Variants in CCDC187 observed in about 807,000 individuals in gnomAD.
The protein encoded by CCDC187 is coiled-coil domain-containing protein 187.
Under a neutral mutation model 38.0 loss-of-function variants are expected in CCDC187, and 32 were observed. That is an observed-to-expected ratio of 0.84 (90% CI 0.64 to 1.13). CCDC187 has a LOEUF of 1.13. Ranked by LOEUF, CCDC187 falls within the 50% of genes most tolerant of loss-of-function variation. The pLI is 0.00. For synonymous variants in CCDC187, 333 were observed against 347.9 expected (o/e 0.96, Z 0.48); for missense variants, 707 against 786.8 (o/e 0.90, Z 1.21).
Position 136,302,995 on chromosome 9 carries a change from T to A in CCDC187, c.442A>T (p.Ser148Cys), listed in dbSNP as rs1831724096. 2.5e-6 allele frequency: 1 copy of A among 398,662 alleles called. No individual in the cohort carries two copies. Among genetic ancestry groups the A allele is most frequent in the South Asian group, 1.3e-4 (1 of 7,864 alleles). 24.7% of individuals were successfully genotyped at this position (398,662 alleles called of 1,614,324 possible). A position where few individuals can be genotyped will look rare whatever the true frequency, so the allele number is the denominator to read the frequency against. Residue 148 changes from serine (S) to cysteine (C), a missense_variant, in exon 2 of 26, where the codon AGT becomes TGT. By Grantham distance (112) the Ser-to-Cys change is moderately radical (BLOSUM62 -1). Transcript: ENST00000638797. ...CTCAGCTGCTCCAGCCGCGCGTCAC[T>A]CTTTCTGGGCCTCTGCTGGGGCCCC... ...VLGPQQRPRKSDARLEQLRDK... is the reference protein window; with the variant it reads ...VLGPQQRPRKCDARLEQLRDK...
Position 136,260,585 on chromosome 9 carries a change from C to A in CCDC187, c.4065-321G>T, listed in dbSNP as rs534859087. 9.9e-5 allele frequency among the ~76,000 whole-genome samples: 15 copies of A among 151,770 alleles called. 1 individual carries two copies. The East Asian group carries it at 2.9e-3, about 30-fold the overall frequency. ...CAGGCCTGCACTGACCTCCAGGCAC[C>A]CCCCCATCTGACTCTGCCTGGGTCA... On this transcript the variant is annotated intron_variant, in intron 19 of 25. Coordinates refer to ENST00000638797, the MANE Select transcript of CCDC187 (RefSeq NM_001378188.1).
Position 136,303,170 on chromosome 9 carries a change from T to G in CCDC187, c.267A>C (p.Gly89=), listed in dbSNP as rs937125618. Residue 89 remains glycine, a synonymous_variant, in exon 2 of 26, where the codon GGA becomes GGC. Coordinates refer to ENST00000638797, the MANE Select transcript of CCDC187 (RefSeq NM_001378188.1). ...GCAGGCTGCACGCCTTCCCCCAGGG[T>G]CCTGGTTCCTTGAGGTCGTCAGACC... The part of the protein sequence containing the change: ...VVGSDDLKEP[G]PWGKACSLPM... 349,914 of 398,600 alleles carry G rather than the reference T, an allele frequency of 0.88. 153,909 individuals are homozygous for G. The highest frequency in any genetic ancestry group is 0.94 in the East Asian group (26,361 of 28,070). 24.7% of individuals were successfully genotyped at this position (398,600 alleles called of 1,614,324 possible).
upstream of CCDC187, among the ~76,000 whole-genome samples, chr9:136,304,601 G>A (rs999101908): frequency 2.0e-5 from 3 of 152,190 alleles, no homozygotes; most frequent in Non-Finnish European, 4.4e-5. Flanking sequence ...TCCGTGACAC[G>A]GCAGTGTGGT....
At chr9:136,300,495 C>A (rs1489285479) in intron 2 of CCDC187, among the ~76,000 whole-genome samples, 177 bp from the exon 3 acceptor site, 1 of 152,238 alleles carries the variant, frequency 6.6e-6, no homozygotes, top group East Asian at 1.9e-4. Flanking sequence ...CTCACTACAA[C>A]CTCCGCCTCT....
At position 136,281,332 on chromosome 9, in the gene CCDC187, G is replaced by A. The variant is rs905734806; in HGVS notation, c.3040+219C>T. Reference sequence around the variant, plus strand: ...AATAAGCACGTGGGTCTCATCCACCGAGGGCCCATCACTGCAGGTGTGGTG... The same window carrying A: ...AATAAGCACGTGGGTCTCATCCACCAAGGGCCCATCACTGCAGGTGTGGTG... On this transcript the variant is annotated intron_variant, in intron 10 of 25. Transcript: ENST00000638797. 1.0e-5 allele frequency: 4 copies of A among 398,130 alleles called. No homozygotes were observed. The East Asian group carries it at 1.1e-4, about 11-fold the overall frequency. The allele number at this position is 398,130 out of a possible 1,614,324, so 24.7% of individuals were successfully genotyped here.
chr9:136,267,493 G>A lies in CCDC187; in HGVS notation c.3538C>T (p.Arg1180Trp). 4.1e-6 allele frequency: 4 copies of A among 985,686 alleles called. No homozygotes were observed. Among genetic ancestry groups the A allele is most frequent in the Non-Finnish European group, 4.8e-6 (4 of 830,114 alleles). The allele number at this position is 985,686 out of a possible 1,614,324, so 61.1% of individuals were successfully genotyped here. The change falls in exon 16 of 26, where the codon CGG becomes TGG. Residue 1180 changes from arginine (R) to tryptophan (W), a missense_variant. Transcript: ENST00000638797. ...TGCTGTGCTCGCAGCTCCTCCTCCCGCAGGCTCCGCTCCAGCATCTGCAGC... is the reference window on the plus strand; with the variant it reads ...TGCTGTGCTCGCAGCTCCTCCTCCCACAGGCTCCGCTCCAGCATCTGCAGC... ...PTHQMLERSL[R>W]EEELRAQHQA...
rs1299328758 is a variant in CCDC187 at position 136,290,607 on chromosome 9, C to T, written c.2006G>A (p.Ser669Asn). 3 of 398,450 alleles carry T rather than the reference C, an allele frequency of 7.5e-6. No homozygotes were observed. The highest frequency in any genetic ancestry group is 6.2e-5 in the African/African-American group (3 of 48,618). The allele number at this position is 398,450 out of a possible 1,614,324, so 24.7% of individuals were successfully genotyped here. Residue 669 changes from serine (S) to asparagine (N), a missense_variant, in exon 6 of 26, where the codon AGC (serine) becomes AAC (asparagine). Transcript: ENST00000638797. ...ASALRTRELR[S>N]RRLQEVYRQQ... The stretch of plus-strand genomic sequence containing the variant: ...CCGGTAGACCTCCTGCAGCCTCCGG[C>T]TCCTCAGCTCCCGTGTGCGCAGGGC...
chr9:136,300,143 G>A (rs999015519), intron 3 of CCDC187, 77 bp downstream of exon 3: 2 of 397,176 alleles, frequency 5.0e-6, no homozygotes, highest in Middle Eastern at 6.2e-4. Context: ...TGTGAGGGTG[G>A]CCCAGCATGT....
chr9:136,285,166 C>T (rs1354856457), intron 9 of CCDC187, among the ~76,000 whole-genome samples: 1 of 152,060 alleles, frequency 6.6e-6, no homozygotes, highest in African/African-American at 2.4e-5. Context: ...TCGCCGGGCC[C>T]GGATGGCAAG....
At chr9:136,289,567 A>T (rs1216642890) in intron 7 of CCDC187, among the ~76,000 whole-genome samples, 1 of 151,410 alleles carries the variant, frequency 6.6e-6, no homozygotes, top group Non-Finnish European at 1.5e-5. Context: ...GTCGAGGCAG[A>T]AAGGAGACCC....
chr9:136,281,847 C>G (rs1831051521), intron 9 of CCDC187, among the ~76,000 whole-genome samples, 184 bp from the exon 10 acceptor site: 1 of 152,148 alleles, frequency 6.6e-6, no homozygotes, highest in Non-Finnish European at 1.5e-5. Flanking sequence ...GGGGGAAGGG[C>G]CTGAGGCCTG....
chr9:136,285,852 A>G, intron 8 of CCDC187: 2 of 397,196 alleles, frequency 5.0e-6, no homozygotes, highest in Non-Finnish European at 8.9e-6. Context: ...TGCGGGTGCC[A>G]TGTGCCACAC....
intron 10 of CCDC187, 91 bp downstream of exon 10, chr9:136,281,460 G>A (rs1238722926): frequency 7.5e-6 from 3 of 398,484 alleles, no homozygotes; most frequent in Non-Finnish European, 1.3e-5. Context: ...GTAGGGCCAA[G>A]CTCGAGTGCT....
Position 136,257,672 on chromosome 9 carries a change from TG to T in CCDC187, c.4367-832del, listed in dbSNP as rs1245739091. On this transcript the variant is annotated intron_variant, in intron 22 of 25. Coordinates refer to ENST00000638797, the MANE Select transcript of CCDC187 (RefSeq NM_001378188.1). The surrounding 1 kb of genome is among the most constrained non-coding windows in gnomAD (Gnocchi z 4.5). ...TCCATCTCCCTAGACTTTCGTTCTGTGGGGTCAGGGGACTCTGAGAGCCAAG... is the reference window on the plus strand; with the variant it reads ...TCCATCTCCCTAGACTTTCGTTCTGTGGGTCAGGGGACTCTGAGAGCCAAG... Among the ~76,000 whole-genome samples the T allele has an allele frequency of 6.6e-6, 1 of 152,106 alleles. No individual in the cohort carries two copies. The highest frequency in any genetic ancestry group is 2.4e-5 in the African/African-American group (1 of 41,416).
Position 136,281,449 on chromosome 9 carries a change from C to T in CCDC187, c.3040+102G>A, listed in dbSNP as rs926229904. The stretch of plus-strand genomic sequence containing the variant: ...CACGTGGAAAAGGATTTCTCTACCC[C>T]GTAGGGCCAAGCTCGAGTGCTAGGC... On this transcript the variant is annotated intron_variant, in intron 10 of 25. Transcript: ENST00000638797. The T allele has an allele frequency of 4.2e-4, 167 of 398,472 alleles. 1 individual carries two copies. Among genetic ancestry groups the T allele is most frequent in the African/African-American group, 3.0e-3 (146 of 48,686 alleles). The allele number at this position is 398,472 out of a possible 1,614,324, so 24.7% of individuals were successfully genotyped here.
At chr9:136,269,372 C>G (rs1554762070) in intron 14 of CCDC187, among the ~76,000 whole-genome samples, 1 of 152,214 alleles carries the variant, frequency 6.6e-6, no homozygotes. Context: ...TTATAGGGGC[C>G]AGTGCGGTGG....
chr9:136,293,875 GACTC>G (rs1209625419), intron 4 of CCDC187, among the ~76,000 whole-genome samples: 1 of 145,530 alleles, frequency 6.9e-6, no homozygotes, highest in Non-Finnish European at 1.5e-5. Flanking sequence ...TATGCTCTCT[GACTC>G]ACACGCTCAC....
In CCDC187 at chr9:136,254,502, C is replaced by T. The variant is rs1217587498; in HGVS notation, c.5326G>A (p.Gly1776Arg). 27 of 985,490 alleles carry T rather than the reference C, an allele frequency of 2.7e-5. No homozygotes were observed. Among genetic ancestry groups the T allele is most frequent in the Admixed American group, 6.1e-5 (1 of 16,294 alleles). 61.0% of individuals were successfully genotyped at this position (985,490 alleles called of 1,614,324 possible). A position where few individuals can be genotyped will look rare whatever the true frequency, so the allele number is the denominator to read the frequency against. ...GAGCTCCCCGAGGCTGGCTTGGCCC[C>T]GGTACAGGGTTCTGGCAGGTCCTCC... Reference protein sequence around the residue: ...CEEDLPEPCTGAKPASGSSLP... With the variant: ...CEEDLPEPCTRAKPASGSSLP... Residue 1776 changes from glycine to arginine, a missense_variant, in exon 26 of 26, where the codon GGG becomes AGG. Gly to Arg is a moderately radical substitution (Grantham distance 125). Transcript: ENST00000638797.
rs1830544684 is a variant in CCDC187 at position 136,251,923 on chromosome 9, CTGGGAAGAG to C, written c.*1662_*1670del. 1 of 122,654 alleles carries C rather than the reference CTGGGAAGAG, an allele frequency of 8.2e-6. No individual in the cohort carries two copies. The highest frequency in any genetic ancestry group is 1.8e-5 in the Non-Finnish European group (1 of 55,948). 7.6% of individuals were successfully genotyped at this position (122,654 alleles called of 1,614,324 possible). The stretch of plus-strand genomic sequence containing the variant: ...GAGCCGGCCGCCCACCTGGTCCACC[CTGGGAAGAG>C]CCGGCCGCCCACCCAGTCCACCCCG... On this transcript the variant is annotated 3_prime_UTR_variant, in exon 26 of 26. Transcript: ENST00000638797.
Sources: gnomAD v4.1 joint callset for allele counts (sites outside exome capture counted in the v4.1 genomes callset) on GRCh38, gnomAD v4.1.1 for gene constraint, Gnocchi (gnomAD v3.1) non-coding constraint, MANE v1.5 for transcripts, NCBI Gene and HGNC (gene_info 2026-07-23, HGNC 2026-07-21) for gene names.